PKP4: variants seen among roughly 807,000 people sequenced by gnomAD.
PKP4 encodes the protein plakophilin 4.
PKP4 carries 90 observed loss-of-function variants against 145.1 expected under a neutral mutation model. That is an observed-to-expected ratio of 0.62 (90% confidence interval 0.52 to 0.74). The LOEUF is 0.74. PKP4 is among the 30% of genes least tolerant of loss of function. PKP4 has a pLI of 0.00. For missense variants in PKP4, 1,340 were observed against 1,482.7 expected, an observed-to-expected ratio of 0.90 and a Z score of 1.58; for synonymous variants, 563 against 577.2, an observed-to-expected ratio of 0.98 and a Z score of 0.35.
At chr2:158,667,262 C>T (rs1027966521) in intron 16 of PKP4, among the ~76,000 whole-genome samples, 12 of 152,304 alleles carry the variant, frequency 7.9e-5, no homozygotes, top group African/African-American at 2.9e-4. Flanking sequence ...CCCCCATAAA[C>T]CTGAGCTTCG....
At chr2:158,471,916 T>A (rs1691628665) in intron 1 of PKP4, among the ~76,000 whole-genome samples, 1 of 152,202 alleles carries the variant, frequency 6.6e-6, no homozygotes, top group South Asian at 2.1e-4. Context: ...AAATATAGCT[T>A]ATCAAGTGGT....
intron 11 of PKP4, among the ~76,000 whole-genome samples, chr2:158,655,404 C>CA (rs1230955147): frequency 2.7e-5 from 4 of 148,434 alleles, no homozygotes; most frequent in African/African-American, 1.0e-4. Context: ...GAGACAGAAA[C>CA]AACAAAAAAA....
At chr2:158,608,052 T>C (rs546717772) in intron 4 of PKP4, among the ~76,000 whole-genome samples, 215 of 152,258 alleles carry the variant, frequency 1.4e-3, no homozygotes, top group African/African-American at 5.0e-3. Context: ...ATAACAAAAG[T>C]ATGATTAGAT....
Position 158,625,431 on chromosome 2 carries a change from C to A in PKP4, c.1153+4C>A. The A allele has an allele frequency of 6.2e-7, 1 of 1,600,332 alleles. No homozygotes were observed. Among genetic ancestry groups the A allele is most frequent in the Non-Finnish European group, 8.5e-7 (1 of 1,170,062 alleles). On this transcript the variant is annotated splice_donor_region_variant and intron_variant, in intron 7 of 21. Coordinates refer to ENST00000389759, the MANE Select transcript of PKP4 (RefSeq NM_003628.6). ...CCCAGGCCAGACAGCCTGACAGGTGCGTACAAGGTGACAGTGCTACATAAA... is the reference window on the plus strand; with the variant it reads ...CCCAGGCCAGACAGCCTGACAGGTGAGTACAAGGTGACAGTGCTACATAAA...
At chr2:158,554,389 T>A (rs1276220072) in intron 2 of PKP4, among the ~76,000 whole-genome samples, 1 of 151,624 alleles carries the variant, frequency 6.6e-6, no homozygotes, top group Non-Finnish European at 1.5e-5. Flanking sequence ...GTCCTTCAGT[T>A]CACTTTCTTA....
chr2:158,671,703 A>C (rs979472901), intron 17 of PKP4, among the ~76,000 whole-genome samples: 8 of 152,190 alleles, frequency 5.3e-5, no homozygotes, highest in African/African-American at 1.9e-4. Context: ...TGACAGCCCC[A>C]CCCGAGGTAG....
intron 4 of PKP4, among the ~76,000 whole-genome samples, chr2:158,605,069 G>A (rs548677054): frequency 7.9e-5 from 12 of 152,274 alleles, no homozygotes; most frequent in South Asian, 4.1e-4. Context: ...ATTTAAGGTC[G>A]TTACTGAGAG....
intron 2 of PKP4, among the ~76,000 whole-genome samples, chr2:158,550,150 A>ATTCTATTAAT: frequency 9.9e-6 from 1 of 101,056 alleles, no homozygotes; most frequent in Non-Finnish European, 2.8e-5. Context: ...AAGAAGTTAA[A>ATTCTATTAAT]CAATCTATTA....
chr2:158,589,026 T>A (rs1011351499), intron 3 of PKP4: 2 of 152,164 alleles, frequency 1.3e-5, no homozygotes, highest in Non-Finnish European at 2.9e-5. Context: ...TTGTGAAGAA[T>A]GCTGTTGATG....
chr2:158,625,902 T>G (rs1463113891), intron 7 of PKP4, among the ~76,000 whole-genome samples: 1 of 152,200 alleles, frequency 6.6e-6, no homozygotes, highest in Non-Finnish European at 1.5e-5. Flanking sequence ...TATCCCCTAC[T>G]TGATTTTGGC....
chr2:158,620,852 T>G, intron 4 of PKP4, 138 bp from the exon 5 acceptor site: 1 of 657,386 alleles, frequency 1.5e-6, no homozygotes, highest in Non-Finnish European at 2.7e-6. Context: ...AAGAGTCAGA[T>G]GTGCTGTGTA....
At chr2:158,522,122 T>C (rs1014975733) in intron 1 of PKP4, among the ~76,000 whole-genome samples, 6 of 152,198 alleles carry the variant, frequency 3.9e-5, no homozygotes, top group African/African-American at 1.4e-4. Context: ...CAACTTATTT[T>C]ACTAAAAAGG....
At chr2:158,614,519 T>C (rs539528454) in intron 4 of PKP4, among the ~76,000 whole-genome samples, 1 of 152,322 alleles carries the variant, frequency 6.6e-6, no homozygotes, top group African/African-American at 2.4e-5. Context: ...AATGAATTTT[T>C]ATCGAACAAA....
Position 158,545,705 on chromosome 2 carries a change from A to G in PKP4, c.132+12389A>G, listed in dbSNP as rs140138227. 3.3e-3 allele frequency among the ~76,000 whole-genome samples: 500 copies of G among 152,318 alleles called. 4 individuals carry two copies. The highest frequency in any genetic ancestry group is 0.012 in the African/African-American group (486 of 41,578). On this transcript the variant is annotated intron_variant, in intron 2 of 21. Coordinates refer to ENST00000389759, the MANE Select transcript of PKP4 (RefSeq NM_003628.6). ...TTGATTTAAACCTGGTACCATAGTT[A>G]TTCCTAATTGTAAACTGATGATGAG...
chr2:158,503,677 T>C (rs949641903), intron 1 of PKP4, among the ~76,000 whole-genome samples: 3 of 152,216 alleles, frequency 2.0e-5, no homozygotes, highest in African/African-American at 7.2e-5. Context: ...GTTTGTATCA[T>C]TCATATACTT....
intron 1 of PKP4, among the ~76,000 whole-genome samples, chr2:158,505,100 T>C (rs577376594): frequency 6.6e-6 from 1 of 152,356 alleles, no homozygotes; most frequent in East Asian, 1.9e-4. Context: ...TCTGTTCTGC[T>C]CCTGCTTACT....
Position 158,540,851 on chromosome 2 carries a change from AT to A in PKP4, c.132+7540del, listed in dbSNP as rs981204408. ...CGTTTACATTTGAAAATGATAGAAT[AT>A]TTTTCTTTGTTAACACTTAAAGCCA... On this transcript the variant is annotated intron_variant, in intron 2 of 21. Transcript: ENST00000389759. Among the ~76,000 whole-genome samples, 3 of 152,274 alleles carry A rather than the reference AT, an allele frequency of 2.0e-5. No homozygotes were observed. The South Asian group carries it at 6.2e-4, about 32-fold the overall frequency.
chr2:158,592,574 C>A (rs3771633), intron 3 of PKP4, among the ~76,000 whole-genome samples: 107 of 151,826 alleles, frequency 7.0e-4, no homozygotes, highest in Non-Finnish European at 1.1e-3. Flanking sequence ...TTCACACTTA[C>A]AATTAAATTT....
chr2:158,464,666 T>C (rs1341839581), intron 1 of PKP4, among the ~76,000 whole-genome samples: 1 of 152,250 alleles, frequency 6.6e-6, no homozygotes, highest in Admixed American at 6.5e-5. Flanking sequence ...AACTGGCTGT[T>C]GTTCCCATAC....
Sources: gnomAD v4.1 joint callset for allele counts (sites outside exome capture counted in the v4.1 genomes callset) on GRCh38, gnomAD v4.1.1 for gene constraint, MANE v1.5 for transcripts, NCBI Gene and HGNC (gene_info 2026-07-23, HGNC 2026-07-21) for gene names.